Variants in TTN observed in about 807,000 individuals in gnomAD.
TTN encodes the protein titin, also known as connectin.
A neutral mutation model predicts 3,223.0 loss-of-function variants in TTN; 1,525 were observed. The ratio of observed to expected loss-of-function variants is 0.47; its 90% CI spans 0.45 to 0.49. The LOEUF is 0.49. Among genes scored for constraint, TTN ranks in the 20% least tolerant of loss-of-function variants. The probability of loss-of-function intolerance (pLI) is 0.00; values close to 1 mark genes in which losing one functional copy is unlikely to be tolerated. For missense variants in TTN, 40,786 were observed against 43,424.0 expected, an observed-to-expected ratio of 0.94 and a Z score of 5.40; for synonymous variants, 14,094 against 15,161.0, an observed-to-expected ratio of 0.93 and a Z score of 5.17.
In TTN at chr2:178,698,757, C is replaced by T. The variant is rs537239508; in HGVS notation, c.30754+86G>A. 1.7e-4 allele frequency: 220 copies of T among 1,284,622 alleles called. 1 individual carries two copies. In the African/African-American group the frequency reaches 3.1e-3, roughly 18 times the overall value. The allele number at this position is 1,284,622 out of a possible 1,614,324, so 79.6% of individuals were successfully genotyped here. A position where few individuals can be genotyped will look rare whatever the true frequency, so the allele number is the denominator to read the frequency against. The stretch of plus-strand genomic sequence containing the variant: ...ACCATTTTGTGATTGCAAACTCTTA[C>T]CCTTCCTTCACCCTCCACTGTTTAG... On this transcript the variant is annotated intron_variant, in intron 112 of 362. Transcript: ENST00000589042.
chr2:178,793,460 T>C lies in TTN; in HGVS notation c.1480A>G (p.Arg494Gly). The part of the protein sequence containing the change: ...DKAKEQELKS[R>G]TKEVITTKQE... ...TTTGTGGTAATTACTTCTTTGGTTC[T>C]TGATTTTAATTCTTGTTCCTTGGCT... The change falls in exon 9 of 363, where the codon AGA becomes GGA. Residue 494 changes from arginine (R) to glycine (G), a missense_variant. Transcript: ENST00000589042. The C allele has an allele frequency of 6.2e-7, 1 of 1,614,194 alleles. No homozygotes were observed. Among genetic ancestry groups the C allele is most frequent in the Non-Finnish European group, 8.5e-7 (1 of 1,180,016 alleles).
Position 178,566,409 on chromosome 2 carries a change from T to G in TTN, c.79723A>C (p.Thr26575Pro), listed in dbSNP as rs1705878064. ...ALNKVGLGEATSVPGTVKPED... is the reference protein window; with the variant it reads ...ALNKVGLGEAPSVPGTVKPED... Reference sequence around the variant, plus strand: ...GGTTTCACAGTACCAGGAACTGATGTAGCCTCACCTAAACCAACTTTGTTG... The same window carrying G: ...GGTTTCACAGTACCAGGAACTGATGGAGCCTCACCTAAACCAACTTTGTTG... The change falls in exon 326 of 363, where the codon ACA becomes CCA. Residue 26575 changes from threonine (T) to proline (P), a missense_variant. Coordinates refer to ENST00000589042, the MANE Select transcript of TTN (RefSeq NM_001267550.2). 1.2e-6 allele frequency: 2 copies of G among 1,613,390 alleles called. No homozygotes were observed. The highest frequency in any genetic ancestry group is 2.7e-5 in the African/African-American group (2 of 74,922).
Position 178,527,509 on chromosome 2 carries a change from C to T in TTN, c.107617G>A (p.Gly35873Arg), listed in dbSNP as rs746548465. 3.7e-6 allele frequency: 6 copies of T among 1,613,940 alleles called. No homozygotes were observed. In the South Asian group the frequency reaches 5.5e-5, roughly 15 times the overall value. Residue 35873 changes from glycine (G) to arginine (R), a missense_variant, in exon 362 of 363, where the codon GGA becomes AGA. Gly to Arg is a moderately radical substitution (Grantham distance 125). Transcript: ENST00000589042. ...FVEMSSSSFM[G>R]ISNMTQLESS... ...TCCAGTTGTGTCATATTAGATATTC[C>T]CATAAAGCTGCTGGAACTCATTTCT... is the stretch of plus-strand genomic sequence containing the variant.
chr2:178,701,639 T>C, intron 109 of TTN, 52 bp from the exon 110 acceptor site: 1 of 1,559,870 alleles, frequency 6.4e-7, no homozygotes, highest in Non-Finnish European at 8.8e-7. Context: ...AGCTATTTAT[T>C]AGAAAACTAA....
In TTN at chr2:178,718,176, A is replaced by G. The variant is rs745818162; in HGVS notation, c.24830T>C (p.Ile8277Thr). ...ACACTGTAAAGTTGCAGGTTCTCCA[A>G]TGACTGCTTCCACATGTTCCAGAGG... ...IEPLEHVEAV[I>T]GEPATLQCKV... Residue 8277 changes from isoleucine to threonine, a missense_variant, in exon 86 of 363, where the codon ATT (isoleucine) becomes ACT (threonine). By Grantham distance (89) the Ile-to-Thr change is moderately conservative (BLOSUM62 -1). Coordinates refer to ENST00000589042, the MANE Select transcript of TTN (RefSeq NM_001267550.2). 3.7e-6 allele frequency: 6 copies of G among 1,605,378 alleles called. No homozygotes were observed. The East Asian group carries it at 6.7e-5, about 18-fold the overall frequency.
chr2:178,745,982 G>C lies in TTN; in HGVS notation c.11312-4061C>G, dbSNP rs751903732. On this transcript the variant is annotated intron_variant, in intron 47 of 362. Coordinates refer to ENST00000589042, the MANE Select transcript of TTN (RefSeq NM_001267550.2). ...CTTTGCTATCACAGCAAATATTTCA[G>C]AATCTCCCATGGTGAGGAATCCCCG... is the stretch of plus-strand genomic sequence containing the variant. 3.1e-6 allele frequency: 5 copies of C among 1,611,326 alleles called. No individual in the cohort carries two copies. In the South Asian group the frequency reaches 5.5e-5, roughly 18 times the overall value.
In TTN at chr2:178,607,057, C is replaced by T; in HGVS notation, c.53545G>A (p.Val17849Ile). The T allele has an allele frequency of 6.2e-7, 1 of 1,611,650 alleles. No homozygotes were observed. The highest frequency in any genetic ancestry group is 8.5e-7 in the Non-Finnish European group (1 of 1,178,936). Residue 17849 changes from valine (V) to isoleucine (I), a missense_variant, in exon 278 of 363, where the codon GTT becomes ATT. Coordinates refer to ENST00000589042, the MANE Select transcript of TTN (RefSeq NM_001267550.2). Reference sequence around the variant, plus strand: ...ACTGCAAGAATTGGTCCTATTTCAACAGGAGGGCCACAGCCAAACTTGTTC... The same window carrying T: ...ACTGCAAGAATTGGTCCTATTTCAATAGGAGGGCCACAGCCAAACTTGTTC... ...AKNKFGCGPPVEIGPILAVDP... is the reference protein window; with the variant it reads ...AKNKFGCGPPIEIGPILAVDP...
Position 178,678,845 on chromosome 2 carries a change from A to G in TTN, c.33743-15T>C, listed in dbSNP as rs112313732. On this transcript the variant is annotated splice_polypyrimidine_tract_variant and intron_variant, in intron 142 of 362. Transcript: ENST00000589042. ...CACTTCAGGAACTTCAAAGATATCAAATAGAGTTAGTGTCACATTTTTTAC... is the reference window on the plus strand; with the variant it reads ...CACTTCAGGAACTTCAAAGATATCAGATAGAGTTAGTGTCACATTTTTTAC... 64 of 1,578,144 alleles carry G rather than the reference A, an allele frequency of 4.1e-5. No homozygotes were observed. The African/African-American group carries it at 7.6e-4, about 19-fold the overall frequency.
At chr2:178,793,343 G>C in intron 9 of TTN, 61 bp downstream of exon 9, 1 of 1,590,894 alleles carries the variant, frequency 6.3e-7, no homozygotes, top group Non-Finnish European at 8.6e-7. Flanking sequence ...TGGTAAAGGT[G>C]ATTATCTGTG....
At chr2:178,747,116 T>A in intron 47 of TTN, 1 of 1,603,580 alleles carries the variant, frequency 6.2e-7, no homozygotes, top group Non-Finnish European at 8.5e-7. Flanking sequence ...GGGTGTGGAG[T>A]ATCTCTCCAG....
At position 178,714,323 on chromosome 2, in the gene TTN, C is replaced by A. The variant is rs1427255919; in HGVS notation, c.26451G>T (p.Met8817Ile). 2 of 1,613,452 alleles carry A rather than the reference C, an allele frequency of 1.2e-6. No homozygotes were observed. Among genetic ancestry groups the A allele is most frequent in the South Asian group, 1.1e-5 (1 of 91,060 alleles). ...CGGATAGCGTGGCGAAGCACTCTTG[C>A]ATCCCAGCATCGTTTTTGATCTGAC... The part of the protein sequence containing the change: ...YTCQIKNDAG[M>I]QECFATLSVL... The change falls in exon 91 of 363, where the codon ATG becomes ATT. Residue 8817 changes from methionine (M) to isoleucine (I), a missense_variant. Met to Ile is a conservative substitution (Grantham distance 10). Coordinates refer to ENST00000589042, the MANE Select transcript of TTN (RefSeq NM_001267550.2).
chr2:178,577,975 T>C lies in TTN; in HGVS notation c.68527+13A>G, dbSNP rs1559475704. ...AAACATGCACCTGGGTTTTTCTTCA[T>C]ATAATGACTTACCAATTGGGTCCAG... On this transcript the variant is annotated intron_variant, in intron 322 of 362. Coordinates refer to ENST00000589042, the MANE Select transcript of TTN (RefSeq NM_001267550.2). 2 of 1,608,354 alleles carry C rather than the reference T, an allele frequency of 1.2e-6. No individual in the cohort carries two copies. The highest frequency in any genetic ancestry group is 1.7e-6 in the Non-Finnish European group (2 of 1,177,694).
chr2:178,732,432 A>C lies in TTN; in HGVS notation c.16621+8T>G. 1 of 1,595,636 alleles carries C rather than the reference A, an allele frequency of 6.3e-7. No individual in the cohort carries two copies. The highest frequency in any genetic ancestry group is 8.5e-7 in the Non-Finnish European group (1 of 1,169,798). On this transcript the variant is annotated splice_region_variant and intron_variant, in intron 56 of 362. Coordinates refer to ENST00000589042, the MANE Select transcript of TTN (RefSeq NM_001267550.2). ...TTAGCACAAAGATGTCAAGAAAACA[A>C]TGCAAACCTTTTACAAACAAGTTTG...
rs2093444069 is a variant in TTN at position 178,790,744 on chromosome 2, GGT to G, written c.1762_1763del (p.Thr588HisfsTer11). 2 of 1,614,020 alleles carry G rather than the reference GGT, an allele frequency of 1.2e-6. No homozygotes were observed. Among genetic ancestry groups the G allele is most frequent in the African/African-American group, 2.7e-5 (2 of 74,910 alleles). ...TTAGGTGCATTTGATCTTGTTGTGT[GGT>G]AGTTTCTTCTTGAGCTCCCGGGACT... is the stretch of plus-strand genomic sequence containing the variant. ...ETVPGAQEET[T>X]TQQDQMHLSY... On this transcript the variant is annotated frameshift_variant, in exon 11 of 363. Transcript: ENST00000589042. LOFTEE classifies it high-confidence loss of function.
Position 178,672,209 on chromosome 2 carries a change from T to G in TTN, c.34989A>C (p.Lys11663Asn). 1.3e-6 allele frequency: 2 copies of G among 1,566,902 alleles called. No individual in the cohort carries two copies. ...SVAFRQEVVV[K>N]ERLELEVVEA... ...CTACTACTTCTAATTCTAGTCTTTCTTTTACTACTACTTCTTGGCGGAAGG... is the reference window on the plus strand; with the variant it reads ...CTACTACTTCTAATTCTAGTCTTTCGTTTACTACTACTTCTTGGCGGAAGG... The change falls in exon 155 of 363, where the codon AAA (lysine) becomes AAC (asparagine). Residue 11663 changes from lysine (K) to asparagine (N), a missense_variant. Lys to Asn is a moderately conservative substitution (Grantham distance 94). Coordinates refer to ENST00000589042, the MANE Select transcript of TTN (RefSeq NM_001267550.2).
chr2:178,642,804 T>C (rs1458544796), intron 218 of TTN, among the ~76,000 whole-genome samples: 2 of 152,022 alleles, frequency 1.3e-5, no homozygotes, highest in African/African-American at 2.4e-5. Context: ...GGAAGGGCCA[T>C]ATCTCACTTT....
At position 178,617,931 on chromosome 2, in the gene TTN, G is replaced by C. The variant is rs770409489; in HGVS notation, c.47420C>G (p.Thr15807Ser). Residue 15807 changes from threonine to serine, a missense_variant, in exon 253 of 363, where the codon ACT becomes AGT. Coordinates refer to ENST00000589042, the MANE Select transcript of TTN (RefSeq NM_001267550.2). ...GTCTTCAGCTCTCACAGTCATGGCA[G>C]TATCCCACCTGATAGAAGTCTTGTC... ...LRDKTSIRWD[T>S]AMTVRAEDLS... 5 of 1,612,694 alleles carry C rather than the reference G, an allele frequency of 3.1e-6. No individual in the cohort carries two copies. In the Admixed American group the frequency reaches 5.0e-5, roughly 16 times the overall value.
chr2:178,542,087 T>TCTGAGAAAAGGAGGTTTAGAAAC (rs537101749), intron 349 of TTN, 177 bp downstream of exon 349: 6 of 580,266 alleles, frequency 1.0e-5, no homozygotes, highest in African/African-American at 3.7e-5. Context: ...GTTGAAAACC[T>TCTGAGAAAAGGAGGTTTAGAAAC]CTGAGAAAAG....
chr2:178,794,425 C>T lies in TTN; in HGVS notation c.1372G>A (p.Val458Met). The change falls in exon 8 of 363, where the codon GTG becomes ATG. Residue 458 changes from valine to methionine, a missense_variant. Coordinates refer to ENST00000589042, the MANE Select transcript of TTN (RefSeq NM_001267550.2). Reference protein sequence around the residue: ...QTAQRTTTTAVHIQPAQEQVR... With the variant: ...QTAQRTTTTAMHIQPAQEQVR... ...TGTTCTTGAGCAGGTTGGATGTGCA[C>T]AGCAGTCGTGGTTGTCCTCTGAGCA... 6.2e-7 allele frequency: 1 copy of T among 1,614,190 alleles called. No homozygotes were observed. Among genetic ancestry groups the T allele is most frequent in the East Asian group, 2.2e-5 (1 of 44,890 alleles).
Sources: gnomAD v4.1 joint callset for allele counts (sites outside exome capture counted in the v4.1 genomes callset) on GRCh38, gnomAD v4.1.1 for gene constraint, MANE v1.5 for transcripts, NCBI Gene and HGNC (gene_info 2026-07-23, HGNC 2026-07-21) for gene names.